Variants in ATR observed in about 807,000 individuals in gnomAD.
ATR encodes serine/threonine-protein kinase ATR.
ATR carries 142 observed loss-of-function variants against 305.3 expected under a neutral mutation model. That is an observed-to-expected ratio of 0.47 (90% CI 0.41 to 0.53). The LOEUF is 0.53. ATR is among the 20% of genes least tolerant of loss of function. ATR has a pLI of 0.00. For missense variants in ATR, 2,135 were observed against 3,133.1 expected (o/e 0.68, Z 7.60); for synonymous variants, 1,050 against 1,068.1 (o/e 0.98, Z 0.33).
intron 24 of ATR, among the ~76,000 whole-genome samples, chr3:142,516,714 T>A (rs897513771): frequency 6.6e-6 from 1 of 152,166 alleles, no homozygotes; most frequent in Admixed American, 6.5e-5. Context: ...CTATTCCTTC[T>A]AAGTATAATT....
chr3:142,477,685 A>G (rs2108295123), intron 36 of ATR, among the ~76,000 whole-genome samples: 1 of 152,160 alleles, frequency 6.6e-6, no homozygotes, highest in South Asian at 2.1e-4. Context: ...TCCTCCTTGT[A>G]CCTCTGGTAG....
At position 142,496,322 on chromosome 3, in the gene ATR, A is replaced by ATC. The variant is rs1553758692; in HGVS notation, c.5898+38_5898+39insGA. On this transcript the variant is annotated intron_variant, in intron 34 of 46. Coordinates refer to ENST00000350721, the MANE Select transcript of ATR (RefSeq NM_001184.4). ...TATATATATATATATATATATATATATATATATATATATATGATGACATTT... is the reference window on the plus strand; with the variant it reads ...TATATATATATATATATATATATATATCTATATATATATATATGATGACATTT... The ATC allele has an allele frequency of 6.9e-5, 17 of 246,604 alleles. 1 individual carries two copies. The African/African-American group carries it at 1.3e-3, about 18-fold the overall frequency. The allele number at this position is 246,604 out of a possible 1,614,324, so 15.3% of individuals were successfully genotyped here. A position where few individuals can be genotyped will look rare whatever the true frequency, so the allele number is the denominator to read the frequency against.
intron 35 of ATR, among the ~76,000 whole-genome samples, chr3:142,492,837 G>T (rs898863798): frequency 1.3e-5 from 2 of 152,218 alleles, no homozygotes; most frequent in Admixed American, 6.5e-5. Flanking sequence ...GTTATAAATT[G>T]GTTTTGCTGA....
At chr3:142,555,757 T>G in intron 10 of ATR, 120 bp downstream of exon 10, 1 of 1,245,800 alleles carries the variant, frequency 8.0e-7, no homozygotes, top group Non-Finnish European at 1.1e-6. Flanking sequence ...TACTGAGCAC[T>G]GAATCTATAA....
chr3:142,471,253 T>C (rs765660005), intron 36 of ATR, among the ~76,000 whole-genome samples: 5 of 152,142 alleles, frequency 3.3e-5, no homozygotes, highest in African/African-American at 1.2e-4. Context: ...GTCCTCGAGG[T>C]TCATCTATGT....
intron 33 of ATR, 129 bp downstream of exon 33, chr3:142,496,884 A>T (rs906608185): frequency 1.3e-4 from 134 of 1,069,662 alleles, no homozygotes; most frequent in Middle Eastern, 3.0e-4. Context: ...CAGATAGTGT[A>T]GCCCTGATCA....
rs2108483232 is a variant in ATR, at chr3:142,560,411, C to A, written c.1393G>T (p.Ala465Ser). ...DMNQKSILWS[A>S]LKQKAESLQI... ...AGGGATTCAGCTTTCTGTTTCAGTG[C>A]ACTCCATAATATGCTCTTTTGGTTC... Residue 465 changes from alanine to serine, a missense_variant, in exon 6 of 47, where the codon GCA (alanine) becomes TCA (serine). Transcript: ENST00000350721. 1 of 1,613,622 alleles carries A rather than the reference C, an allele frequency of 6.2e-7. No individual in the cohort carries two copies. Among genetic ancestry groups the A allele is most frequent in the Non-Finnish European group, 8.5e-7 (1 of 1,179,676 alleles).
In ATR at chr3:142,562,596, A is replaced by T; in HGVS notation, c.806T>A (p.Phe269Tyr). ...GGLPAQPAST[F>Y]FSSFLELLKH... ...TAATAATTCCAAAAATGAGCTGAAA[A>T]AAGTGCTAGCTGGTTGTGCTGGTAG... Residue 269 changes from phenylalanine to tyrosine, a missense_variant, in exon 4 of 47, where the codon TTT (phenylalanine) becomes TAT (tyrosine). Transcript: ENST00000350721. The T allele has an allele frequency of 6.2e-7, 1 of 1,614,072 alleles. No individual in the cohort carries two copies. The highest frequency in any genetic ancestry group is 8.5e-7 in the Non-Finnish European group (1 of 1,179,984).
intron 28 of ATR, among the ~76,000 whole-genome samples, chr3:142,507,662 G>T (rs2032325955): frequency 6.6e-6 from 1 of 151,920 alleles, no homozygotes. Context: ...CATTTTTTAA[G>T]ACACCATCTC....
Position 142,560,181 on chromosome 3 carries a change from G to A in ATR, c.1541+82C>T, listed in dbSNP as rs2034824869. ...AAAAGTTTGTGTTCTAAGGTTACAT[G>A]AGTCAAGTGAATAATGAGTAAACAG... On this transcript the variant is annotated intron_variant, in intron 6 of 46. Coordinates refer to ENST00000350721, the MANE Select transcript of ATR (RefSeq NM_001184.4). The A allele has an allele frequency of 1.5e-5, 21 of 1,356,242 alleles. No individual in the cohort carries two copies. In the South Asian group the frequency reaches 2.3e-4, roughly 15 times the overall value. The allele number at this position is 1,356,242 out of a possible 1,614,324, so 84.0% of individuals were successfully genotyped here. A position where few individuals can be genotyped will look rare whatever the true frequency, so the allele number is the denominator to read the frequency against.
intron 5 of ATR, among the ~76,000 whole-genome samples, chr3:142,560,798 G>C (rs887021765): frequency 1.3e-5 from 2 of 152,166 alleles, no homozygotes; most frequent in Non-Finnish European, 2.9e-5. Context: ...CTGACCTCGT[G>C]ATCTGCCCGC....
intron 28 of ATR, 113 bp downstream of exon 28, chr3:142,507,818 A>T: frequency 9.9e-7 from 1 of 1,009,378 alleles, no homozygotes; most frequent in Non-Finnish European, 1.5e-6. Context: ...CTCCCCACTA[A>T]TCTATAAGCT....
At chr3:142,527,534 T>C (rs985836084) in intron 21 of ATR, among the ~76,000 whole-genome samples, 4 of 152,348 alleles carry the variant, frequency 2.6e-5, no homozygotes, top group East Asian at 1.9e-4. Flanking sequence ...AAATACCTTC[T>C]ATGTTTCAAC....
chr3:142,485,543 C>G lies in ATR; in HGVS notation c.6079-261G>C, dbSNP rs113572604. On this transcript the variant is annotated intron_variant, in intron 35 of 46. Coordinates refer to ENST00000350721, the MANE Select transcript of ATR (RefSeq NM_001184.4). ...GAAGAATTCGCAACTTAGGAGAAAA[C>G]TCCATTTATGTCACCACTTTAAAAG... is the stretch of plus-strand genomic sequence containing the variant. Among the ~76,000 whole-genome samples the G allele has an allele frequency of 3.6e-4, 55 of 152,286 alleles. 1 individual carries two copies. Among genetic ancestry groups the G allele is most frequent in the African/African-American group, 1.1e-3 (46 of 41,562 alleles).
rs1449808108 is a variant in ATR, at chr3:142,547,838, G to A, written c.3244C>T (p.Arg1082Cys). 1.2e-6 allele frequency: 2 copies of A among 1,613,762 alleles called. No individual in the cohort carries two copies. The highest frequency in any genetic ancestry group is 1.1e-5 in the South Asian group (1 of 91,080). Residue 1082 changes from arginine (R) to cysteine (C), a missense_variant, in exon 16 of 47, where the codon CGT becomes TGT. Physicochemically the swap from Arg to Cys is radical, Grantham distance 180. Coordinates refer to ENST00000350721, the MANE Select transcript of ATR (RefSeq NM_001184.4). ...FQGLHNELLL[R>C]IGEHYQQVFN... ...ACCTGTTGATAGTGTTCTCCAATAC[G>A]CAGCAATAATTCATTATGCAATCCT...
intron 10 of ATR, among the ~76,000 whole-genome samples, chr3:142,554,664 G>A (rs1219261149): frequency 6.6e-6 from 1 of 152,184 alleles, no homozygotes; most frequent in Non-Finnish European, 1.5e-5. Context: ...ACTCATACCT[G>A]TAATCCCAAC....
chr3:142,463,875 C>T (rs1457124175), intron 41 of ATR, among the ~76,000 whole-genome samples: 5 of 151,452 alleles, frequency 3.3e-5, no homozygotes, highest in East Asian at 1.9e-4. Context: ...TGTGGGAAGG[C>T]AATGAGAAGA....
chr3:142,478,712 T>C (rs1017120915), intron 36 of ATR, among the ~76,000 whole-genome samples: 1 of 152,200 alleles, frequency 6.6e-6, no homozygotes, highest in African/African-American at 2.4e-5. Context: ...CCATTATTAT[T>C]GTGTGCGAGT....
chr3:142,452,259 C>T lies in ATR; in HGVS notation c.7761+869G>A, dbSNP rs370279317. The stretch of plus-strand genomic sequence containing the variant: ...GTTAACTGGAATGTAAATTTTTAAT[C>T]TTTATTAGCATATAGTTGGTATAAT... On this transcript the variant is annotated intron_variant, in intron 46 of 46. Coordinates refer to ENST00000350721, the MANE Select transcript of ATR (RefSeq NM_001184.4). 85 of 995,078 alleles carry T rather than the reference C, an allele frequency of 8.5e-5. 1 individual carries two copies. In the African/African-American group the frequency reaches 1.2e-3, roughly 14 times the overall value. 61.6% of individuals were successfully genotyped at this position (995,078 alleles called of 1,614,324 possible).
Sources: gnomAD v4.1 joint callset for allele counts (sites outside exome capture counted in the v4.1 genomes callset) on GRCh38, gnomAD v4.1.1 for gene constraint, MANE v1.5 for transcripts, NCBI Gene and HGNC (gene_info 2026-07-23, HGNC 2026-07-21) for gene names.